Variants in CADM2 observed in about 807,000 individuals in gnomAD.
CADM2 encodes the protein cell adhesion molecule 2.
A neutral mutation model predicts 49.8 loss-of-function variants in CADM2; 12 were observed. That is an observed-to-expected ratio of 0.24 (90% CI 0.15 to 0.39). The LOEUF (loss-of-function observed/expected upper bound fraction) is 0.39. CADM2 is among the 10% of genes least tolerant of loss of function. The probability of loss-of-function intolerance (pLI) is 1.00; values close to 1 mark genes in which losing one functional copy is unlikely to be tolerated. For missense variants in CADM2, 378 were observed against 492.3 expected, an observed-to-expected ratio of 0.77 and a Z score of 2.20; for synonymous variants, 214 against 175.4, an observed-to-expected ratio of 1.22 and a Z score of -1.74.
At chr3:85,509,888 A>G (rs114595561) in intron 1 of CADM2, among the ~76,000 whole-genome samples, 2,140 of 152,116 alleles carry the variant, frequency 0.014, 23 homozygotes, top group Non-Finnish European at 0.022. Flanking sequence ...TTAGCTTATT[A>G]TAAAATAATG....
At chr3:85,949,860 AC>A in intron 7 of CADM2, among the ~76,000 whole-genome samples, 1 of 150,988 alleles carries the variant, frequency 6.6e-6, no homozygotes, top group Admixed American at 6.6e-5. Flanking sequence ...TTGTAAAATT[AC>A]TCTTGTATAA....
intron 1 of CADM2, among the ~76,000 whole-genome samples, chr3:85,287,695 C>T (rs1407754183): frequency 6.6e-6 from 1 of 152,070 alleles, no homozygotes; most frequent in Non-Finnish European, 1.5e-5. Flanking sequence ...CAAAATATTT[C>T]ACTTTTAATG....
chr3:85,112,870 G>A (rs933012585), intron 1 of CADM2, among the ~76,000 whole-genome samples: 1 of 151,524 alleles, frequency 6.6e-6, no homozygotes, highest in African/African-American at 2.4e-5. Flanking sequence ...AGATTAAACA[G>A]CTCAGATAAT....
intron 1 of CADM2, among the ~76,000 whole-genome samples, chr3:85,577,908 C>G (rs890869106): frequency 9.2e-5 from 14 of 151,868 alleles, no homozygotes; most frequent in Admixed American, 9.2e-4. Context: ...TGCTCACTGT[C>G]CCAAAATCAG....
At chr3:85,473,953 T>C (rs2038873218) in intron 1 of CADM2, among the ~76,000 whole-genome samples, 1 of 152,030 alleles carries the variant, frequency 6.6e-6, no homozygotes, top group Admixed American at 6.6e-5. Flanking sequence ...TTTCCTTATT[T>C]ATAAAATATG....
chr3:85,942,813 A>G lies in CADM2; in HGVS notation c.791+6956A>G, dbSNP rs568065701. On this transcript the variant is annotated intron_variant, in intron 7 of 9. Coordinates refer to ENST00000383699, the MANE Select transcript of CADM2 (RefSeq NM_001167675.2). ...TAAACATACGTGTGCATGTGTCTTT[A>G]TAGCAGCATAATTTATAGTCCTTTG... 2.6e-5 allele frequency among the ~76,000 whole-genome samples: 4 copies of G among 152,174 alleles called. No individual in the cohort carries two copies. The South Asian group carries it at 8.3e-4, about 32-fold the overall frequency.
intron 1 of CADM2, among the ~76,000 whole-genome samples, chr3:85,190,236 C>T (rs1199733161): frequency 6.6e-6 from 1 of 152,038 alleles, no homozygotes; most frequent in African/African-American, 2.4e-5. Flanking sequence ...TACTTGCCCC[C>T]ATGCCACCAG....
chr3:85,864,252 T>A (rs2075642004), intron 3 of CADM2, among the ~76,000 whole-genome samples: 2 of 152,226 alleles, frequency 1.3e-5, no homozygotes, highest in Non-Finnish European at 2.9e-5. Flanking sequence ...ATGCATTGAT[T>A]ACTTTTTCTG....
intron 1 of CADM2, among the ~76,000 whole-genome samples, chr3:85,000,074 A>G (rs147969310): frequency 6.6e-6 from 1 of 150,552 alleles, no homozygotes; most frequent in Admixed American, 6.6e-5. Flanking sequence ...GCATATTACT[A>G]CTTTGGCTGT....
chr3:85,306,541 C>A (rs758725529), intron 1 of CADM2, among the ~76,000 whole-genome samples: 8 of 151,680 alleles, frequency 5.3e-5, no homozygotes, highest in Non-Finnish European at 1.2e-4. Flanking sequence ...GAATAGTTTT[C>A]ACCAAACTTT....
intron 3 of CADM2, among the ~76,000 whole-genome samples, chr3:85,853,584 T>TAA (rs1397030692): frequency 1.1e-4 from 16 of 152,010 alleles, no homozygotes; most frequent in African/African-American, 3.9e-4. Flanking sequence ...CACTTATAAA[T>TAA]TTGTAATACT....
chr3:85,440,900 T>C (rs2037171828), intron 1 of CADM2, among the ~76,000 whole-genome samples: 1 of 152,054 alleles, frequency 6.6e-6, no homozygotes, highest in Admixed American at 6.6e-5. Flanking sequence ...GAGAATAGCT[T>C]GAACTCAAGA....
At chr3:85,974,797 T>G (rs1287506681) in intron 8 of CADM2, among the ~76,000 whole-genome samples, 2 of 151,696 alleles carry the variant, frequency 1.3e-5, no homozygotes, top group African/African-American at 2.4e-5. Flanking sequence ...ATTATGAAAT[T>G]GTTCTATTGA....
chr3:85,167,907 A>G (rs2040514577), intron 1 of CADM2, among the ~76,000 whole-genome samples: 1 of 152,034 alleles, frequency 6.6e-6, no homozygotes, highest in Non-Finnish European at 1.5e-5. Flanking sequence ...GTGTATATAT[A>G]TGTATATACA....
intron 1 of CADM2, among the ~76,000 whole-genome samples, chr3:85,556,114 C>T (rs1383821799): frequency 6.6e-6 from 1 of 152,040 alleles, no homozygotes; most frequent in Non-Finnish European, 1.5e-5. Context: ...GACTGGAAGC[C>T]TTACCAATAA....
chr3:84,960,794 T>C (rs1367752875), intron 1 of CADM2, among the ~76,000 whole-genome samples: 1 of 152,080 alleles, frequency 6.6e-6, no homozygotes, highest in East Asian at 1.9e-4. Flanking sequence ...ACGATGCTGA[T>C]TATGAAATAA....
intron 1 of CADM2, among the ~76,000 whole-genome samples, chr3:85,510,497 A>G (rs533336916): frequency 4.2e-4 from 64 of 152,168 alleles, no homozygotes; most frequent in African/African-American, 1.5e-3. Flanking sequence ...CTAATGTCCT[A>G]TTGATGTGAC....
At chr3:85,332,414 T>C (rs1424147936) in intron 1 of CADM2, among the ~76,000 whole-genome samples, 1 of 151,968 alleles carries the variant, frequency 6.6e-6, no homozygotes, top group Non-Finnish European at 1.5e-5. Flanking sequence ...AAAGAAAACC[T>C]GTGTGTAGGC....
intron 1 of CADM2, among the ~76,000 whole-genome samples, chr3:85,265,272 C>G (rs888549264): frequency 1.3e-5 from 2 of 151,804 alleles, no homozygotes; most frequent in Non-Finnish European, 2.9e-5. Flanking sequence ...ATTTTCATCT[C>G]TAATTGTGAA....
Sources: gnomAD v4.1 joint callset for allele counts (sites outside exome capture counted in the v4.1 genomes callset) on GRCh38, gnomAD v4.1.1 for gene constraint, MANE v1.5 for transcripts, NCBI Gene and HGNC (gene_info 2026-07-23, HGNC 2026-07-21) for gene names.